The following GRIA4 variants were observed in gnomAD, a reference collection of about 807,000 sequenced individuals.
The protein encoded by GRIA4 is glutamate receptor 4.
A neutral mutation model predicts 104.0 loss-of-function variants in GRIA4; 34 were observed. That is an observed-to-expected ratio of 0.33 (90% CI 0.25 to 0.44). The LOEUF is 0.44. Ranked by LOEUF, GRIA4 falls within the 20% of genes least tolerant of loss-of-function variation. The probability of loss-of-function intolerance (pLI) is 1.00; values close to 1 mark genes in which losing one functional copy is unlikely to be tolerated. For synonymous variants in GRIA4, 386 were observed against 381.9 expected (o/e 1.01, Z -0.13); for missense variants, 750 against 1,096.5 (o/e 0.68, Z 4.46).
chr11:105,779,500 A>C (rs1194084068), intron 4 of GRIA4, among the ~76,000 whole-genome samples: 10 of 152,192 alleles, frequency 6.6e-5, no homozygotes, highest in Admixed American at 6.6e-4. Context: ...TATGAGTGAG[A>C]ATATGCGGTG....
intron 14 of GRIA4, among the ~76,000 whole-genome samples, chr11:105,941,923 T>C (rs1425288788): frequency 6.6e-6 from 1 of 152,078 alleles, no homozygotes; most frequent in Non-Finnish European, 1.5e-5. Flanking sequence ...AAAATCCTAT[T>C]AGTAACTAAG....
At position 105,926,948 on chromosome 11, in the gene GRIA4, A is replaced by G; in HGVS notation, c.2046+9A>G. 6.4e-7 allele frequency: 1 copy of G among 1,563,750 alleles called. No individual in the cohort carries two copies. The highest frequency in any genetic ancestry group is 8.8e-7 in the Non-Finnish European group (1 of 1,135,668). Reference sequence around the variant, plus strand: ...CAAAAGAATTCTTCAGAGTAAGTTAAGGGAAAAACTAAAAATGAAATGTTT... The same window carrying G: ...CAAAAGAATTCTTCAGAGTAAGTTAGGGGAAAAACTAAAAATGAAATGTTT... On this transcript the variant is annotated intron_variant, in intron 13 of 16. Coordinates refer to ENST00000282499, the MANE Select transcript of GRIA4 (RefSeq NM_000829.4).
At chr11:105,658,896 G>A (rs1951923033) in intron 3 of GRIA4, among the ~76,000 whole-genome samples, 1 of 151,926 alleles carries the variant, frequency 6.6e-6, no homozygotes, top group South Asian at 2.1e-4. Flanking sequence ...ACATTTCCAA[G>A]TCAAGATGAC....
rs538218728 is a variant in GRIA4, at chr11:105,877,330, T to C, written c.673-10189T>C. 5.3e-5 allele frequency among the ~76,000 whole-genome samples: 8 copies of C among 152,310 alleles called. No homozygotes were observed. In the East Asian group the frequency reaches 1.5e-3, roughly 29 times the overall value. ...GGGTAACTCAACCTTTCTCTCTGGCTGCCCTTAACATTTTTTCCTTCATTT... is the reference window on the plus strand; with the variant it reads ...GGGTAACTCAACCTTTCTCTCTGGCCGCCCTTAACATTTTTTCCTTCATTT... On this transcript the variant is annotated intron_variant, in intron 5 of 16. Coordinates refer to ENST00000282499, the MANE Select transcript of GRIA4 (RefSeq NM_000829.4).
chr11:105,965,962 C>T (rs1858343285), intron 14 of GRIA4: 4 of 1,606,280 alleles, frequency 2.5e-6, no homozygotes, highest in Middle Eastern at 1.7e-4. Context: ...CTGTTAACCT[C>T]GCAGTTTTAA....
intron 3 of GRIA4, among the ~76,000 whole-genome samples, chr11:105,615,204 A>G (rs1950570711): frequency 1.3e-5 from 2 of 151,980 alleles, no homozygotes; most frequent in African/African-American, 4.8e-5. Context: ...CAAAGAATAA[A>G]GCGTGTTAGT....
intron 7 of GRIA4, among the ~76,000 whole-genome samples, chr11:105,900,469 T>A (rs960365623): frequency 3.3e-5 from 5 of 152,154 alleles, no homozygotes; most frequent in African/African-American, 1.2e-4. Context: ...TGCACGTGCT[T>A]CTACCTCAAA....
chr11:105,721,173 T>C (rs1018935164), intron 3 of GRIA4, among the ~76,000 whole-genome samples: 7 of 152,192 alleles, frequency 4.6e-5, no homozygotes, highest in Non-Finnish European at 8.8e-5. Flanking sequence ...CTTTTGCTAA[T>C]TAAAGAATCT....
intron 4 of GRIA4, among the ~76,000 whole-genome samples, chr11:105,855,469 A>C (rs112719685): frequency 6.6e-6 from 1 of 152,118 alleles, no homozygotes; most frequent in Admixed American, 6.6e-5. Flanking sequence ...CAGAATTATA[A>C]ATTTTATATA....
chr11:105,968,905 T>C (rs1858536034), intron 14 of GRIA4, among the ~76,000 whole-genome samples: 1 of 152,208 alleles, frequency 6.6e-6, no homozygotes, highest in African/African-American at 2.4e-5. Flanking sequence ...TTTATGCCAG[T>C]TATTCAATCC....
intron 3 of GRIA4, among the ~76,000 whole-genome samples, chr11:105,643,249 C>G (rs906996236): frequency 6.6e-6 from 1 of 152,140 alleles, no homozygotes; most frequent in Non-Finnish European, 1.5e-5. Context: ...TAGCTCATTA[C>G]AGTTTTCTAT....
intron 4 of GRIA4, among the ~76,000 whole-genome samples, chr11:105,814,860 A>G (rs1943314885): frequency 6.6e-6 from 1 of 152,148 alleles, no homozygotes; most frequent in Non-Finnish European, 1.5e-5. Context: ...CTTACCAAAA[A>G]TGGGGTAGAT....
At chr11:105,743,086 C>A (rs1939418350) in intron 3 of GRIA4, among the ~76,000 whole-genome samples, 2 of 152,176 alleles carry the variant, frequency 1.3e-5, no homozygotes, top group East Asian at 3.9e-4. Context: ...ATTTTCTTAT[C>A]ACTATGTTTT....
chr11:105,830,436 T>C (rs1327801017), intron 4 of GRIA4, among the ~76,000 whole-genome samples: 1 of 152,060 alleles, frequency 6.6e-6, no homozygotes, highest in African/African-American at 2.4e-5. Context: ...AGGCTATTTA[T>C]GTAGAACCTG....
intron 4 of GRIA4, among the ~76,000 whole-genome samples, chr11:105,860,830 G>A (rs562670122): frequency 2.6e-5 from 4 of 151,744 alleles, no homozygotes; most frequent in South Asian, 2.1e-4. Flanking sequence ...ATGGTGGCAC[G>A]CACCTGTAGT....
At chr11:105,974,649 C>A in intron 16 of GRIA4, 2 of 1,222,872 alleles carry the variant, frequency 1.6e-6, no homozygotes, top group Non-Finnish European at 2.3e-6. Context: ...TTGCTTGCTT[C>A]TAATTAGAGC....
At chr11:105,651,873 G>T (rs1424051884) in intron 3 of GRIA4, among the ~76,000 whole-genome samples, 1 of 151,998 alleles carries the variant, frequency 6.6e-6, no homozygotes, top group Non-Finnish European at 1.5e-5. Context: ...TCTGTCACTT[G>T]CTGACCAACA....
chr11:105,765,428 T>G (rs1221280621), intron 4 of GRIA4, among the ~76,000 whole-genome samples: 1 of 151,832 alleles, frequency 6.6e-6, no homozygotes, highest in East Asian at 1.9e-4. Context: ...CAAATCAGAG[T>G]GAGTTTGAAG....
rs1056991525 is a variant in GRIA4, at chr11:105,756,704, C to T, written c.487+3484C>T. Among the ~76,000 whole-genome samples, 7 of 151,684 alleles carry T rather than the reference C, an allele frequency of 4.6e-5. No homozygotes were observed. In the East Asian group the frequency reaches 9.7e-4, roughly 21 times the overall value. The stretch of plus-strand genomic sequence containing the variant: ...CAAAACAAAACTTCAAGTCTAAAAC[C>T]GTCACTGGGATGAAGAGGAGTTTCC... On this transcript the variant is annotated intron_variant, in intron 4 of 16. Coordinates refer to ENST00000282499, the MANE Select transcript of GRIA4 (RefSeq NM_000829.4).
Sources: gnomAD v4.1 joint callset for allele counts (sites outside exome capture counted in the v4.1 genomes callset) on GRCh38, gnomAD v4.1.1 for gene constraint, MANE v1.5 for transcripts, NCBI Gene and HGNC (gene_info 2026-07-23, HGNC 2026-07-21) for gene names.